The following SEPTIN14 variants were observed in gnomAD, a reference collection of about 807,000 sequenced individuals.
SEPTIN14 encodes septin 14, also known as septin-14.
In SEPTIN14, 40 loss-of-function variants were observed where a neutral mutation model predicts 53.6. The ratio of observed to expected loss-of-function variants is 0.75; its 90% CI spans 0.58 to 0.97. SEPTIN14 has a LOEUF of 0.97. Among genes scored for constraint, SEPTIN14 ranks in the 50% least tolerant of loss-of-function variants. The pLI, the probability that SEPTIN14 is intolerant of heterozygous loss-of-function variation, is 0.00. For missense variants in SEPTIN14, 471 were observed against 508.2 expected (o/e 0.93, Z 0.70); for synonymous variants, 138 against 166.8 (o/e 0.83, Z 1.33).
At chr7:55,849,503 T>C (rs1386951847) in intron 2 of SEPTIN14, among the ~76,000 whole-genome samples, 2 of 151,202 alleles carry the variant, frequency 1.3e-5, no homozygotes, top group African/African-American at 2.4e-5. Flanking sequence ...CCCAGCACTT[T>C]GGGAGGCTGA....
chr7:55,805,845 C>T (rs1182329026), intron 8 of SEPTIN14, among the ~76,000 whole-genome samples: 1 of 152,036 alleles, frequency 6.6e-6, no homozygotes, highest in Non-Finnish European at 1.5e-5. Flanking sequence ...ATGTATGAGA[C>T]GATTTTCAAA....
chr7:55,853,028 A>G (rs1789546380), intron 2 of SEPTIN14, among the ~76,000 whole-genome samples: 3 of 152,188 alleles, frequency 2.0e-5, no homozygotes, highest in African/African-American at 7.2e-5. Context: ...TACCCAAAAG[A>G]CTGGCAATAA....
At chr7:55,808,597 G>A (rs1788646249) in intron 7 of SEPTIN14, among the ~76,000 whole-genome samples, 1 of 152,024 alleles carries the variant, frequency 6.6e-6, no homozygotes, top group African/African-American at 2.4e-5. Context: ...TGTCACCCAG[G>A]CTGGAGTGCA....
intron 5 of SEPTIN14, among the ~76,000 whole-genome samples, chr7:55,839,185 T>G (rs1428962877): frequency 6.6e-6 from 1 of 151,726 alleles, no homozygotes; most frequent in Admixed American, 6.6e-5. Flanking sequence ...GTTAGGAGTT[T>G]GAGAACAGCC....
At chr7:55,829,642 A>G (rs1789058025) in intron 6 of SEPTIN14, among the ~76,000 whole-genome samples, 2 of 151,914 alleles carry the variant, frequency 1.3e-5, no homozygotes, top group Non-Finnish European at 2.9e-5. Flanking sequence ...GCAGAGGGCC[A>G]GAGATGCTGC....
chr7:55,841,134 C>T (rs1789304948), intron 5 of SEPTIN14, among the ~76,000 whole-genome samples: 1 of 151,910 alleles, frequency 6.6e-6, no homozygotes, highest in Non-Finnish European at 1.5e-5. Flanking sequence ...GTCTTGAACT[C>T]CTGATCTCAG....
chr7:55,799,583 G>C (rs1424202763), intron 9 of SEPTIN14, among the ~76,000 whole-genome samples: 2 of 143,472 alleles, frequency 1.4e-5, no homozygotes, highest in East Asian at 4.0e-4. Flanking sequence ...ATAGGCAAAA[G>C]AGGACAGGGC....
rs1011928836 is a variant in SEPTIN14, at chr7:55,854,910, T to C, written c.54+7033A>G. ...AGTCAATATACAAAAATCAGTTATA[T>C]TCATTTCTAGCTTCTGCTCAGAGAT... On this transcript the variant is annotated intron_variant, in intron 2 of 9. Transcript: ENST00000388975. Among the ~76,000 whole-genome samples the C allele has an allele frequency of 1.6e-4, 24 of 152,300 alleles. 1 individual carries two copies. Among genetic ancestry groups the C allele is most frequent in the African/African-American group, 4.8e-4 (20 of 41,564 alleles).
intron 9 of SEPTIN14, among the ~76,000 whole-genome samples, chr7:55,800,611 G>A (rs1211366033): frequency 1.4e-5 from 2 of 147,552 alleles, no homozygotes; most frequent in African/African-American, 2.5e-5. Flanking sequence ...GTGACAGAGC[G>A]AGACTTTGTC....
chr7:55,852,086 G>T (rs1205887116), intron 2 of SEPTIN14, among the ~76,000 whole-genome samples: 1 of 150,442 alleles, frequency 6.6e-6, no homozygotes. Flanking sequence ...AGGTTGCAGT[G>T]AGCCGAGATT....
At chr7:55,844,422 T>A (rs1789365204) in intron 4 of SEPTIN14, 101 bp downstream of exon 4, 1 of 530,874 alleles carries the variant, frequency 1.9e-6, no homozygotes, top group Non-Finnish European at 3.3e-6. Flanking sequence ...TATTAAAATC[T>A]GGAAGAAAAG....
At chr7:55,800,770 T>C (rs1353423194) in intron 9 of SEPTIN14, among the ~76,000 whole-genome samples, 2 of 152,210 alleles carry the variant, frequency 1.3e-5, no homozygotes, top group African/African-American at 4.8e-5. Context: ...CAGTATTTGA[T>C]AGCACAACAG....
chr7:55,829,932 A>G (rs1209734744), intron 6 of SEPTIN14, among the ~76,000 whole-genome samples: 2 of 151,292 alleles, frequency 1.3e-5, no homozygotes, highest in Non-Finnish European at 2.9e-5. Flanking sequence ...TAATCCCAGC[A>G]CTTTGGGAGG....
chr7:55,812,466 C>T (rs182618667), intron 7 of SEPTIN14, among the ~76,000 whole-genome samples: 5 of 152,222 alleles, frequency 3.3e-5, no homozygotes, highest in African/African-American at 1.2e-4. Flanking sequence ...AAATATTGAT[C>T]AAACGGTACG....
At chr7:55,854,800 A>G (rs755359972) in intron 2 of SEPTIN14, among the ~76,000 whole-genome samples, 23 of 152,342 alleles carry the variant, frequency 1.5e-4, no homozygotes, top group Non-Finnish European at 2.9e-4. Flanking sequence ...GTCATTTTAT[A>G]TTGAAAAAAG....
chr7:55,842,747 C>T (rs1412322122), intron 5 of SEPTIN14, among the ~76,000 whole-genome samples, 195 bp downstream of exon 5: 1 of 152,012 alleles, frequency 6.6e-6, no homozygotes, highest in Non-Finnish European at 1.5e-5. Context: ...CCCATCTCTA[C>T]TAAAAATACA....
intron 2 of SEPTIN14, among the ~76,000 whole-genome samples, chr7:55,851,356 C>T (rs970974889): frequency 5.3e-5 from 8 of 152,028 alleles, no homozygotes; most frequent in Non-Finnish European, 1.0e-4. Flanking sequence ...CATCTGTTTT[C>T]AGTTGCTATA....
At chr7:55,847,631 C>G (rs1329059101) in intron 2 of SEPTIN14, among the ~76,000 whole-genome samples, 1 of 152,092 alleles carries the variant, frequency 6.6e-6, no homozygotes, top group Admixed American at 6.6e-5. Flanking sequence ...AAAAACAGCA[C>G]TATTATAGAG....
Position 55,834,554 on chromosome 7 carries a change from G to A in SEPTIN14, c.591C>T (p.Asp197=). 6.2e-7 allele frequency: 1 copy of A among 1,610,232 alleles called. No homozygotes were observed. The change falls in exon 6 of 10, where the codon GAC becomes GAT. Residue 197 remains aspartate (D), a synonymous_variant. Coordinates refer to ENST00000388975, the MANE Select transcript of SEPTIN14 (RefSeq NM_207366.3). ...TCTGTAAATCATTTTTAGAAATAGT[G>A]TCTGCTTTGGCAATCAGTGGTATAA... ...VNIIPLIAKA[D]TISKNDLQTF... is the part of the protein sequence containing the mutation.
Sources: gnomAD v4.1 joint callset for allele counts (sites outside exome capture counted in the v4.1 genomes callset) on GRCh38, gnomAD v4.1.1 for gene constraint, MANE v1.5 for transcripts, NCBI Gene and HGNC (gene_info 2026-07-23, HGNC 2026-07-21) for gene names.